The following TECTA variants were observed in gnomAD, a reference collection of about 807,000 sequenced individuals.
TECTA encodes the protein alpha-tectorin.
Under a neutral mutation model 216.8 loss-of-function variants are expected in TECTA, and 128 were observed. The observed-to-expected ratio is 0.59, with a 90% CI of 0.51 to 0.68. The LOEUF is 0.68. Among genes scored for constraint, TECTA ranks in the 30% least tolerant of loss-of-function variants. The pLI is 0.00. For missense variants in TECTA, 2,551 were observed against 2,786.2 expected (o/e 0.92, Z 1.90); for synonymous variants, 1,089 against 1,117.1 (o/e 0.97, Z 0.50).
At position 121,138,092 on chromosome 11, in the gene TECTA, T is replaced by C. The variant is rs1405572083; in HGVS notation, c.3543+70T>C. On this transcript the variant is annotated intron_variant, in intron 11 of 23. Transcript: ENST00000392793. ...TCAGGATGGGGTCGGCAAGCCAGGCTGCAGCTGAATCAGGCAGGTCCGGAA... is the reference window on the plus strand; with the variant it reads ...TCAGGATGGGGTCGGCAAGCCAGGCCGCAGCTGAATCAGGCAGGTCCGGAA... 12 of 1,605,932 alleles carry C rather than the reference T, an allele frequency of 7.5e-6. No individual in the cohort carries two copies. In the East Asian group the frequency reaches 2.7e-4, roughly 36 times the overall value.
At chr11:121,108,814 AACAC>A (rs908023852) in intron 3 of TECTA, among the ~76,000 whole-genome samples, 2 of 80,238 alleles carry the variant, frequency 2.5e-5, no homozygotes, top group African/African-American at 1.2e-4. Flanking sequence ...TCAGTACACA[AACAC>A]ACACTCACGC....
At position 121,130,174 on chromosome 11, in the gene TECTA, C is replaced by T. The variant is rs768851502; in HGVS notation, c.2904C>T (p.Asp968=). Reference sequence around the variant, plus strand: ...ATGCAAGCGCCTGCAAGAATGCGGACGTGGAGGTGGGGCCCTGGCGGACCT... The same window carrying T: ...ATGCAAGCGCCTGCAAGAATGCGGATGTGGAGGTGGGGCCCTGGCGGACCT... ...ARYASACKNA[D]VEVGPWRTYD... Residue 968 remains aspartate (D), a synonymous_variant, in exon 10 of 24, where the codon GAC becomes GAT. Coordinates refer to ENST00000392793, the MANE Select transcript of TECTA (RefSeq NM_005422.4). 2.0e-5 allele frequency: 32 copies of T among 1,603,242 alleles called. No homozygotes were observed. The highest frequency in any genetic ancestry group is 1.9e-4 in the South Asian group (17 of 91,074).
intron 20 of TECTA, 28 bp from the exon 21 acceptor site, chr11:121,187,804 C>G: frequency 6.2e-7 from 1 of 1,613,894 alleles, no homozygotes; most frequent in African/African-American, 1.3e-5. Flanking sequence ...ACATGTGAAG[C>G]AAAGATTCCA....
chr11:121,169,360 TTC>T (rs1185369340), intron 20 of TECTA, among the ~76,000 whole-genome samples: 1 of 152,196 alleles, frequency 6.6e-6, no homozygotes, highest in African/African-American at 2.4e-5. Flanking sequence ...CTCAACAAGT[TTC>T]TGTTTACTCA....
At chr11:121,169,656 T>G (rs1484149399) in intron 20 of TECTA, among the ~76,000 whole-genome samples, 1 of 152,216 alleles carries the variant, frequency 6.6e-6, no homozygotes, top group Non-Finnish European at 1.5e-5. Flanking sequence ...TGCAGAGAAT[T>G]GCAATTATCA....
chr11:121,174,611 T>A (rs1413534944), intron 20 of TECTA, among the ~76,000 whole-genome samples: 1 of 152,224 alleles, frequency 6.6e-6, no homozygotes, highest in Non-Finnish European at 1.5e-5. Context: ...TATTGAGGAT[T>A]TTTGCATCAA....
At chr11:121,188,501 C>A (rs1193645004) in intron 21 of TECTA, among the ~76,000 whole-genome samples, 1 of 152,160 alleles carries the variant, frequency 6.6e-6, no homozygotes, top group Non-Finnish European at 1.5e-5. Flanking sequence ...GCTCAGGATA[C>A]AATGTATCCA....
At chr11:121,150,982 T>C (rs1464184722) in intron 12 of TECTA, among the ~76,000 whole-genome samples, 1 of 152,056 alleles carries the variant, frequency 6.6e-6, no homozygotes, top group East Asian at 1.9e-4. Flanking sequence ...TATAATTTAA[T>C]AATAAAAATT....
At position 121,190,691 on chromosome 11, in the gene TECTA, C is replaced by T; in HGVS notation, c.6368-15C>T. ...TTCCCCCCATAGGGCTTACTGTGTT[C>T]CTCTCTGTTTACAGCCTCTAATTCT... On this transcript the variant is annotated splice_polypyrimidine_tract_variant and intron_variant, in intron 23 of 23. Transcript: ENST00000392793. 1 of 1,598,326 alleles carries T rather than the reference C, an allele frequency of 6.3e-7. No homozygotes were observed. Among genetic ancestry groups the T allele is most frequent in the Non-Finnish European group, 8.6e-7 (1 of 1,165,856 alleles).
intron 20 of TECTA, among the ~76,000 whole-genome samples, chr11:121,173,288 G>A (rs1947131510): frequency 6.6e-6 from 1 of 150,962 alleles, no homozygotes; most frequent in African/African-American, 2.4e-5. Flanking sequence ...GAATGGTAAA[G>A]CCTAGGTTTT....
intron 7 of TECTA, among the ~76,000 whole-genome samples, chr11:121,123,011 G>A (rs1172937834): frequency 6.6e-6 from 1 of 152,238 alleles, no homozygotes; most frequent in Non-Finnish European, 1.5e-5. Flanking sequence ...AGCTGCATGT[G>A]GCGCCTGCCA....
chr11:121,137,763 G>A lies in TECTA; in HGVS notation c.3284G>A (p.Arg1095His), dbSNP rs771933470. Residue 1095 changes from arginine to histidine, a missense_variant, in exon 11 of 24, where the codon CGC becomes CAC. Arg to His is a conservative substitution (Grantham distance 29). Around this residue, in one of 3 missense-constraint regions of TECTA, gnomAD observed 2,375 missense variants for 2,563.9 expected, o/e 0.93. Coordinates refer to ENST00000392793, the MANE Select transcript of TECTA (RefSeq NM_005422.4). ...EEGGLYYCQA[R>H]TDASCIVSGY... ...GGTGGCCTGTACTACTGCCAAGCCCGCACCGACGCCTCCTGCATCGTCTCA... is the reference window on the plus strand; with the variant it reads ...GGTGGCCTGTACTACTGCCAAGCCCACACCGACGCCTCCTGCATCGTCTCA... The A allele has an allele frequency of 9.3e-6, 15 of 1,613,982 alleles. No homozygotes were observed. The highest frequency in any genetic ancestry group is 2.2e-5 in the East Asian group (1 of 44,870).
At position 121,135,084 on chromosome 11, in the gene TECTA, C is replaced by T. The variant is rs1000263239; in HGVS notation, c.2942-2337C>T. 5.3e-5 allele frequency among the ~76,000 whole-genome samples: 8 copies of T among 152,236 alleles called. No homozygotes were observed. In the South Asian group the frequency reaches 1.2e-3, roughly 24 times the overall value. On this transcript the variant is annotated intron_variant, in intron 10 of 23. Transcript: ENST00000392793. ...CTAGATCTTGTGCACATGGTTCTGG[C>T]GAGTAGCACTGGATAGCACGCACTT...
Position 121,152,952 on chromosome 11 carries a change from C to T in TECTA, c.4177C>T (p.Arg1393Cys), listed in dbSNP as rs746773924. The change falls in exon 13 of 24, where the codon CGC becomes TGC. Residue 1393 changes from arginine (R) to cysteine (C), a missense_variant. Physicochemically the swap from Arg to Cys is radical, Grantham distance 180. This residue lies in a region of TECTA where 2,375 missense variants were observed against 2,563.9 expected (regional missense o/e 0.93). Coordinates refer to ENST00000392793, the MANE Select transcript of TECTA (RefSeq NM_005422.4). ...SVCQPRCAAI[R>C]LKSDCSHYCV... Reference sequence around the variant, plus strand: ...CTGCCAGCCCCGCTGCGCCGCCATCCGCCTGAAGAGTGACTGCAGCCACTA... The same window carrying T: ...CTGCCAGCCCCGCTGCGCCGCCATCTGCCTGAAGAGTGACTGCAGCCACTA... The T allele has an allele frequency of 1.2e-5, 20 of 1,613,512 alleles. No homozygotes were observed. Among genetic ancestry groups the T allele is most frequent in the South Asian group, 3.3e-5 (3 of 91,080 alleles).
At chr11:121,176,763 A>G (rs1947171520) in intron 20 of TECTA, among the ~76,000 whole-genome samples, 4 of 151,152 alleles carry the variant, frequency 2.6e-5, no homozygotes, top group East Asian at 1.9e-4. Flanking sequence ...AATATCCTGC[A>G]GAGTATTTTC....
At position 121,150,896 on chromosome 11, in the gene TECTA, G is replaced by A. The variant is rs150306257; in HGVS notation, c.4106-1985G>A. Among the ~76,000 whole-genome samples the A allele has an allele frequency of 2.1e-3, 314 of 151,966 alleles. 2 individuals are homozygous for A. Among genetic ancestry groups the A allele is most frequent in the African/African-American group, 7.1e-3 (293 of 41,462 alleles). On this transcript the variant is annotated intron_variant, in intron 12 of 23. Transcript: ENST00000392793. ...CTTGACCTCATGATCCACCTGCCTC[G>A]GCCTCCCAAAGTGCTGGGATTACAG... is the stretch of plus-strand genomic sequence containing the variant.
rs751267244 is a variant in TECTA at position 121,145,944 on chromosome 11, C to G, written c.3933C>G (p.Phe1311Leu). 1 of 1,614,272 alleles carries G rather than the reference C, an allele frequency of 6.2e-7. No individual in the cohort carries two copies. Among genetic ancestry groups the G allele is most frequent in the Non-Finnish European group, 8.5e-7 (1 of 1,180,048 alleles). ...TGATCCCCAACCAGAACGCTGCCTT[C>G]TCCAAGTGTCACAGCAAAGTTAACC... ...CSLIPNQNAA[F>L]SKCHSKVNPT... is the part of the protein sequence containing the mutation. The change falls in exon 12 of 24, where the codon TTC (phenylalanine) becomes TTG (leucine). Residue 1311 changes from phenylalanine (F) to leucine (L), a missense_variant. Phe to Leu is a conservative substitution (Grantham distance 22). Coordinates refer to ENST00000392793, the MANE Select transcript of TECTA (RefSeq NM_005422.4).
chr11:121,147,861 G>T (rs1390204643), intron 12 of TECTA, among the ~76,000 whole-genome samples: 1 of 152,174 alleles, frequency 6.6e-6, no homozygotes, highest in Non-Finnish European at 1.5e-5. Flanking sequence ...AACAAACAGG[G>T]AAATGCACAC....
intron 3 of TECTA, among the ~76,000 whole-genome samples, chr11:121,108,661 C>T (rs554125852): frequency 6.6e-6 from 1 of 150,544 alleles, no homozygotes; most frequent in East Asian, 2.0e-4. Flanking sequence ...CACTCCAGTA[C>T]ACACACATGC....
Sources: allele counts gnomAD v4.1 joint callset (sites outside exome capture counted in the v4.1 genomes callset), GRCh38; gene constraint gnomAD v4.1.1; regional missense constraint gnomAD v4.1.1; transcripts MANE v1.5; gene names NCBI Gene and HGNC (gene_info 2026-07-23, HGNC 2026-07-21).